MAGI2: variants seen among roughly 807,000 people sequenced by gnomAD.
MAGI2 encodes the protein membrane-associated guanylate kinase, WW and PDZ domain-containing protein 2.
A neutral mutation model predicts 133.3 loss-of-function variants in MAGI2; 35 were observed. The ratio of observed to expected loss-of-function variants is 0.26; its 90% CI spans 0.20 to 0.35. The LOEUF is 0.35. Among genes scored for constraint, MAGI2 ranks in the 10% least tolerant of loss-of-function variants. The pLI is 1.00. For synonymous variants in MAGI2, 729 were observed against 710.6 expected (o/e 1.03, Z -0.41); for missense variants, 1,636 against 1,863.4 (o/e 0.88, Z 2.25).
chr7:78,665,201 T>C (rs1026916443), intron 2 of MAGI2, among the ~76,000 whole-genome samples: 3 of 152,120 alleles, frequency 2.0e-5, no homozygotes, highest in African/African-American at 7.2e-5. Flanking sequence ...TATAAGTAGT[T>C]TTAAGGTTCT....
chr7:78,829,504 T>C, intron 2 of MAGI2, among the ~76,000 whole-genome samples: 1 of 152,072 alleles, frequency 6.6e-6, no homozygotes, highest in East Asian at 1.9e-4. Context: ...CTTTGAACAA[T>C]TCCATAAACT....
At position 79,245,852 on chromosome 7, in the gene MAGI2, C is replaced by T. The variant is rs148434306; in HGVS notation, c.301+207168G>A. Among the ~76,000 whole-genome samples, 59 of 152,270 alleles carry T rather than the reference C, an allele frequency of 3.9e-4. No individual in the cohort carries two copies. The East Asian group carries it at 0.011, about 28-fold the overall frequency. On this transcript the variant is annotated intron_variant, in intron 1 of 21. Coordinates refer to ENST00000354212, the MANE Select transcript of MAGI2 (RefSeq NM_012301.4). ...GTGTTGTGCTGGCTTCAGGTGTGGC[C>T]CAGCATGGCCCCAGCGGTGGTGGCC...
intron 4 of MAGI2, among the ~76,000 whole-genome samples, chr7:78,506,868 T>C (rs895341291): frequency 3.9e-5 from 6 of 152,200 alleles, no homozygotes; most frequent in Non-Finnish European, 7.3e-5. Context: ...CAAATGAACT[T>C]TCCTTCTACT....
At chr7:78,347,033 G>A (rs1020969896) in intron 7 of MAGI2, 3 of 152,210 alleles carry the variant, frequency 2.0e-5, no homozygotes, top group Non-Finnish European at 4.4e-5. Context: ...AAGGCAATGA[G>A]ACTGACACAT....
At chr7:79,316,674 C>T (rs1363627005) in intron 1 of MAGI2, among the ~76,000 whole-genome samples, 1 of 152,156 alleles carries the variant, frequency 6.6e-6, no homozygotes, top group Non-Finnish European at 1.5e-5. Flanking sequence ...AATTTTGAGA[C>T]TAATGTTGTA....
chr7:78,485,924 C>T (rs13227908), intron 6 of MAGI2: 52,326 of 151,722 alleles, frequency 0.34, 9,156 homozygotes, highest in South Asian at 0.48. Context: ...AAACAGAAAG[C>T]CTAGATAAAA....
intron 1 of MAGI2, chr7:79,351,889 G>T (rs2082892533): frequency 6.6e-6 from 1 of 152,182 alleles, no homozygotes; most frequent in Non-Finnish European, 1.5e-5. Context: ...CTGCTCCAGT[G>T]ATTCAAACTT....
intron 2 of MAGI2, among the ~76,000 whole-genome samples, chr7:78,967,012 A>G (rs570915625): frequency 1.9e-4 from 29 of 151,960 alleles, no homozygotes; most frequent in Admixed American, 1.3e-4. Flanking sequence ...TGGTACGATC[A>G]TTGCAGGCTT....
At chr7:78,045,809 C>T (rs932495926) in intron 21 of MAGI2, among the ~76,000 whole-genome samples, 2 of 152,174 alleles carry the variant, frequency 1.3e-5, no homozygotes, top group Non-Finnish European at 2.9e-5. Flanking sequence ...AGAACCCATA[C>T]TCCGGATGGG....
intron 1 of MAGI2, among the ~76,000 whole-genome samples, chr7:79,445,978 A>C (rs1309429431): frequency 6.6e-6 from 1 of 152,252 alleles, no homozygotes; most frequent in Non-Finnish European, 1.5e-5. Flanking sequence ...ATGGAATACT[A>C]TGCAGCCACA....
Position 78,817,356 on chromosome 7 carries a change from C to A in MAGI2, c.418+189734G>T, listed in dbSNP as rs148175387. 1.1e-4 allele frequency among the ~76,000 whole-genome samples: 16 copies of A among 152,288 alleles called. No individual in the cohort carries two copies. In the East Asian group the frequency reaches 3.1e-3, roughly 29 times the overall value. On this transcript the variant is annotated intron_variant, in intron 2 of 21. Transcript: ENST00000354212. ...ATCAACTTAATCGACAAAGCAATGG[C>A]AGGGTTTGAAAGGATTGACTTCAGT...
At chr7:78,476,840 C>A (rs1352345621) in intron 6 of MAGI2, among the ~76,000 whole-genome samples, 1 of 151,156 alleles carries the variant, frequency 6.6e-6, no homozygotes. Context: ...CACAATTATG[C>A]ACTGAATTGT....
chr7:78,636,678 G>A (rs1360422925), intron 2 of MAGI2, among the ~76,000 whole-genome samples: 1 of 152,050 alleles, frequency 6.6e-6, no homozygotes, highest in Non-Finnish European at 1.5e-5. Context: ...GGCGCCTGTA[G>A]TCCCAGCTAC....
chr7:78,541,704 A>C (rs1018341395), intron 3 of MAGI2, among the ~76,000 whole-genome samples: 3 of 152,170 alleles, frequency 2.0e-5, no homozygotes, highest in Admixed American at 2.0e-4. Flanking sequence ...GGCATGGGTC[A>C]CTCTAGGTCA....
Position 78,178,031 on chromosome 7 carries a change from C to T in MAGI2, c.2383G>A (p.Gly795Arg), listed in dbSNP as rs759529035. ...CTTACAGGCTGTCCAGGCTCATCTC[C>T]CCCGAGGATTCTGAAGCCAAATCCA... ...ESGFGFRILG[G>R]DEPGQPILIG... Residue 795 changes from glycine (G) to arginine (R), a missense_variant, in exon 14 of 22, where the codon GGA becomes AGA. Around this residue, in one of 5 missense-constraint regions of MAGI2, gnomAD observed 920 missense variants for 1,093.5 expected, o/e 0.84. Transcript: ENST00000354212. The T allele has an allele frequency of 6.2e-7, 1 of 1,612,824 alleles. No individual in the cohort carries two copies. Among genetic ancestry groups the T allele is most frequent in the Non-Finnish European group, 8.5e-7 (1 of 1,178,978 alleles).
intron 9 of MAGI2, among the ~76,000 whole-genome samples, chr7:78,324,475 C>T (rs984364821): frequency 5.3e-5 from 8 of 152,166 alleles, no homozygotes; most frequent in Non-Finnish European, 8.8e-5. Context: ...GAGCTAGTTT[C>T]TTACCTTTCC....
intron 21 of MAGI2, among the ~76,000 whole-genome samples, chr7:78,064,960 C>T (rs749667920): frequency 9.2e-5 from 14 of 151,842 alleles, no homozygotes; most frequent in Non-Finnish European, 1.8e-4. Flanking sequence ...AATACTAACT[C>T]GATGTAAAGT....
chr7:79,207,354 G>A (rs557682568), intron 1 of MAGI2, among the ~76,000 whole-genome samples: 2 of 151,940 alleles, frequency 1.3e-5, no homozygotes, highest in East Asian at 1.9e-4. Context: ...TAGAAAAAAT[G>A]AATGAATTCA....
intron 2 of MAGI2, among the ~76,000 whole-genome samples, chr7:78,765,635 T>C (rs570706379): frequency 1.1e-4 from 17 of 152,088 alleles, no homozygotes; most frequent in East Asian, 9.7e-4. Context: ...GTGTGAGCCA[T>C]AACGCCCGGC....
Sources: allele counts gnomAD v4.1 joint callset (sites outside exome capture counted in the v4.1 genomes callset), GRCh38; gene constraint gnomAD v4.1.1; regional missense constraint gnomAD v4.1.1; transcripts MANE v1.5; gene names NCBI Gene and HGNC (gene_info 2026-07-23, HGNC 2026-07-21).